The following PCLO variants were observed in gnomAD, a reference collection of about 807,000 sequenced individuals.
The protein encoded by PCLO is piccolo presynaptic cytomatrix protein, also known as protein piccolo.
PCLO carries 82 observed loss-of-function variants against 427.5 expected under a neutral mutation model. That is an observed-to-expected ratio of 0.19 (90% CI 0.16 to 0.23). PCLO has a LOEUF of 0.23. Among genes scored for constraint, PCLO ranks in the 10% least tolerant of loss-of-function variants. The probability of loss-of-function intolerance (pLI) is 1.00; values close to 1 mark genes in which losing one functional copy is unlikely to be tolerated. For missense variants in PCLO, 6,239 were observed against 6,115.9 expected (o/e 1.02, Z -0.67); for synonymous variants, 2,357 against 2,155.4 (o/e 1.09, Z -2.59).
chr7:82,803,003 G>A (rs548560952), intron 21 of PCLO, among the ~76,000 whole-genome samples: 1 of 152,176 alleles, frequency 6.6e-6, no homozygotes, highest in Admixed American at 6.5e-5. Context: ...TGCAAATTAA[G>A]CAATTTCCAA....
chr7:82,908,122 C>T (rs1471969092), intron 8 of PCLO, among the ~76,000 whole-genome samples: 1 of 152,000 alleles, frequency 6.6e-6, no homozygotes, highest in Non-Finnish European at 1.5e-5. Flanking sequence ...ATCTGATCTG[C>T]TAAGGCAATT....
chr7:82,937,162 G>A (rs868849665), intron 6 of PCLO, among the ~76,000 whole-genome samples: 15 of 151,588 alleles, frequency 9.9e-5, no homozygotes, highest in South Asian at 4.2e-4. Flanking sequence ...TGTGAATTTC[G>A]CCTCAATTAA....
Position 83,156,210 on chromosome 7 carries a change from A to AAATCAG in PCLO, c.425_430dup (p.Asp143_Leu144insSerAsp). The AAATCAG allele has an allele frequency of 6.2e-7, 1 of 1,613,750 alleles. No homozygotes were observed. The highest frequency in any genetic ancestry group is 8.5e-7 in the Non-Finnish European group (1 of 1,179,770). On this transcript the variant is annotated inframe_insertion, in exon 2 of 25. Coordinates refer to ENST00000333891, the MANE Select transcript of PCLO (RefSeq NM_033026.6). ...CATACTAGACTTGTGCTCTTCCTTTAAATCAGTTCTGGACTTTGATTCTTT... is the reference window on the plus strand; with the variant it reads ...CATACTAGACTTGTGCTCTTCCTTTAAATCAGAATCAGTTCTGGACTTTGATTCTTT...
rs1455137725 is a variant in PCLO at position 82,757,318 on chromosome 7, T to C, written c.*1257A>G. 1.3e-5 allele frequency: 2 copies of C among 152,032 alleles called. No homozygotes were observed. The highest frequency in any genetic ancestry group is 2.9e-5 in the Non-Finnish European group (2 of 67,952). The allele number at this position is 152,032 out of a possible 1,614,324, so 9.4% of individuals were successfully genotyped here. On this transcript the variant is annotated 3_prime_UTR_variant, in exon 25 of 25. Transcript: ENST00000333891. ...ACATTAGTTGTTTTATTCATTATTA[T>C]TAAAATAGCTCAAAGTATATTTTAA...
chr7:82,925,854 TCCAGGTGTGCA>T (rs1456425695), intron 6 of PCLO, among the ~76,000 whole-genome samples: 2 of 151,222 alleles, frequency 1.3e-5, no homozygotes, highest in Non-Finnish European at 2.9e-5. Flanking sequence ...TAGCTGGGAC[TCCAGGTGTGCA>T]CCACCATGCC....
At chr7:82,971,512 T>C (rs1795903458) in intron 3 of PCLO, among the ~76,000 whole-genome samples, 1 of 148,070 alleles carries the variant, frequency 6.8e-6, no homozygotes, top group Non-Finnish European at 1.5e-5. Context: ...TAATAAAATT[T>C]CATTCTATAT....
intron 3 of PCLO, among the ~76,000 whole-genome samples, chr7:83,063,916 CTG>C (rs973976789): frequency 1.3e-5 from 2 of 151,994 alleles, no homozygotes; most frequent in African/African-American, 4.8e-5. Flanking sequence ...TCCTCTTAAA[CTG>C]TGGATATTTG....
At chr7:83,105,395 G>A (rs540674199) in intron 3 of PCLO, among the ~76,000 whole-genome samples, 2 of 152,130 alleles carry the variant, frequency 1.3e-5, no homozygotes, top group African/African-American at 2.4e-5. Flanking sequence ...ATATCCCTGC[G>A]TATTAGCTAT....
At position 83,156,072 on chromosome 7, in the gene PCLO, G is replaced by A; in HGVS notation, c.569C>T (p.Thr190Ile). Residue 190 changes from threonine (T) to isoleucine (I), a missense_variant, in exon 2 of 25, where the codon ACC (threonine) becomes ATC (isoleucine). Thr to Ile is a moderately conservative substitution (Grantham distance 89). Around this residue, in one of 5 missense-constraint regions of PCLO, gnomAD observed 4,677 missense variants for 4,468.4 expected, o/e 1.05. Coordinates refer to ENST00000333891, the MANE Select transcript of PCLO (RefSeq NM_033026.6). ...CTTCTGAACCACTTTTTGTTTCTTG[G>A]TGGTTTCTTCCTGGGATGCCTCAGA... ...SDSEASQEET[T>I]KKQKVVQKEQ... is the part of the protein sequence containing the mutation. 1.2e-6 allele frequency: 2 copies of A among 1,613,600 alleles called. No individual in the cohort carries two copies. The highest frequency in any genetic ancestry group is 1.7e-6 in the Non-Finnish European group (2 of 1,179,832).
Position 83,155,114 on chromosome 7 carries a change from G to A in PCLO, c.1527C>T (p.Pro509=), listed in dbSNP as rs1172769864. 3.2e-6 allele frequency: 5 copies of A among 1,540,786 alleles called. No homozygotes were observed. Among genetic ancestry groups the A allele is most frequent in the Middle Eastern group, 1.9e-4 (1 of 5,264 alleles). The change falls in exon 2 of 25, where the codon CCC becomes CCT. Residue 509 remains proline, a synonymous_variant. Transcript: ENST00000333891. The part of the protein sequence containing the change: ...PPSQQPGSTK[P]PPQQPGPAKP... Reference sequence around the variant, plus strand: ...TTGCTGGGCCAGGCTGTTGAGGTGGGGGTTTTGTTGAGCCAGGCTGTTGAG... The same window carrying A: ...TTGCTGGGCCAGGCTGTTGAGGTGGAGGTTTTGTTGAGCCAGGCTGTTGAG...
Position 82,857,908 on chromosome 7 carries a change from A to C in PCLO, c.13655-10661T>G, listed in dbSNP as rs759262656. On this transcript the variant is annotated intron_variant, in intron 10 of 24. Transcript: ENST00000333891. ...TACAACATGGTCAATTGTTATGTAT[A>C]AAAATGTTAATTAAAGATTAATATT... Among the ~76,000 whole-genome samples the C allele has an allele frequency of 4.4e-4, 67 of 152,272 alleles. 3 individuals carry two copies. The highest frequency in any genetic ancestry group is 3.4e-3 in the Admixed American group (52 of 15,286).
chr7:82,791,498 C>A (rs1216480203), intron 22 of PCLO, among the ~76,000 whole-genome samples: 3 of 152,168 alleles, frequency 2.0e-5, no homozygotes, highest in Non-Finnish European at 2.9e-5. Context: ...GATAGCAAGT[C>A]CTTTTTCAAA....
At chr7:83,161,440 G>A (rs1205857002) in intron 1 of PCLO, among the ~76,000 whole-genome samples, 1 of 152,130 alleles carries the variant, frequency 6.6e-6, no homozygotes, top group Non-Finnish European at 1.5e-5. Flanking sequence ...AGGCAAGGCA[G>A]GCACAATGAT....
At chr7:82,839,694 GA>G (rs1217697427) in intron 14 of PCLO, among the ~76,000 whole-genome samples, 1 of 151,958 alleles carries the variant, frequency 6.6e-6, no homozygotes, top group Non-Finnish European at 1.5e-5. Context: ...GTTTCTTATT[GA>G]AATGAAAACT....
intron 3 of PCLO, among the ~76,000 whole-genome samples, chr7:83,095,027 C>CT (rs1400747225): frequency 9.9e-5 from 15 of 152,044 alleles, no homozygotes; most frequent in African/African-American, 3.6e-4. Flanking sequence ...CTGGAAAAGA[C>CT]TATATAGGAT....
chr7:82,844,237 A>G (rs979326882), intron 13 of PCLO, among the ~76,000 whole-genome samples: 3 of 152,206 alleles, frequency 2.0e-5, no homozygotes, highest in Non-Finnish European at 4.4e-5. Context: ...TAGAGCCTCT[A>G]TAAAGTAATT....
chr7:82,942,381 A>T (rs28592809), intron 6 of PCLO, among the ~76,000 whole-genome samples: 7,253 of 152,074 alleles, frequency 0.048, 571 homozygotes, highest in African/African-American at 0.17. Flanking sequence ...TAAGAATACA[A>T]TTTTTTTCTT....
chr7:82,993,942 T>A (rs1281865073), intron 3 of PCLO, among the ~76,000 whole-genome samples: 1 of 151,858 alleles, frequency 6.6e-6, no homozygotes, highest in Admixed American at 6.6e-5. Context: ...GACAATAAAC[T>A]AGGCCTTGTC....
At position 82,822,031 on chromosome 7, in the gene PCLO, T is replaced by A. The variant is rs999926356; in HGVS notation, c.14791+464A>T. On this transcript the variant is annotated intron_variant, in intron 20 of 24. Transcript: ENST00000333891. ...TGGTTGCATTATCTTCTGCCTAGAC[T>A]TTTTGAGTGTTTTCAGATACAAGAA... 3.1e-5 allele frequency: 31 copies of A among 992,924 alleles called. No homozygotes were observed. In the African/African-American group the frequency reaches 5.2e-4, roughly 17 times the overall value. The allele number at this position is 992,924 out of a possible 1,614,324, so 61.5% of individuals were successfully genotyped here.
Sources: allele counts gnomAD v4.1 joint callset (sites outside exome capture counted in the v4.1 genomes callset), GRCh38; gene constraint gnomAD v4.1.1; regional missense constraint gnomAD v4.1.1; transcripts MANE v1.5; gene names NCBI Gene and HGNC (gene_info 2026-07-23, HGNC 2026-07-21).